The following KAZN variants were observed in gnomAD, a reference collection of about 807,000 sequenced individuals.
KAZN encodes the protein kazrin, periplakin interacting protein.
In KAZN, 40 loss-of-function variants were observed where a neutral mutation model predicts 87.4. The ratio of observed to expected loss-of-function variants is 0.46; its 90% CI spans 0.36 to 0.60. KAZN has a LOEUF of 0.60. KAZN is among the 20% of genes least tolerant of loss of function. KAZN has a pLI of 0.00. For missense variants in KAZN, 898 were observed against 1,073.9 expected, an observed-to-expected ratio of 0.84 and a Z score of 2.29; for synonymous variants, 466 against 458.3, an observed-to-expected ratio of 1.02 and a Z score of -0.22.
intron 4 of KAZN, among the ~76,000 whole-genome samples, chr1:15,047,486 G>T (rs1294791590): frequency 1.3e-5 from 2 of 152,192 alleles, no homozygotes; most frequent in African/African-American, 2.4e-5. Context: ...CACGGCAGCT[G>T]CAGGCCGGGC....
intron 1 of KAZN, among the ~76,000 whole-genome samples, chr1:14,078,262 T>G (rs767314920): frequency 1.3e-5 from 2 of 152,194 alleles, no homozygotes; most frequent in Non-Finnish European, 2.9e-5. Flanking sequence ...TAATTATACA[T>G]GTGCCTGTGT....
chr1:14,010,344 T>G (rs1198632861), intron 1 of KAZN, among the ~76,000 whole-genome samples: 1 of 152,244 alleles, frequency 6.6e-6, no homozygotes, highest in Non-Finnish European at 1.5e-5. Flanking sequence ...GGACTTTTAA[T>G]TTTTCTAGGA....
chr1:14,691,676 G>A (rs1018908708), intron 1 of KAZN, among the ~76,000 whole-genome samples: 13 of 152,120 alleles, frequency 8.5e-5, no homozygotes, highest in Middle Eastern at 3.4e-3. Flanking sequence ...TAGTAGATAC[G>A]GGGTTTTGCC....
intron 1 of KAZN, among the ~76,000 whole-genome samples, chr1:14,052,929 C>G (rs60267211): frequency 0.02 from 2,988 of 152,218 alleles, 91 homozygotes; most frequent in African/African-American, 0.067. Flanking sequence ...GTTGATGTGG[C>G]AGACAGAGCC....
intron 1 of KAZN, among the ~76,000 whole-genome samples, chr1:14,785,673 C>G (rs1321193897): frequency 6.6e-6 from 1 of 152,194 alleles, no homozygotes; most frequent in Non-Finnish European, 1.5e-5. Context: ...AAGCCTCAGT[C>G]TCCTCATCTC....
chr1:14,983,275 A>C (rs1434802060), intron 2 of KAZN, among the ~76,000 whole-genome samples: 1 of 152,186 alleles, frequency 6.6e-6, no homozygotes, highest in Non-Finnish European at 1.5e-5. Flanking sequence ...TACTCAGCTT[A>C]GCACCTTCAG....
At chr1:15,023,773 G>T (rs1233901123) in intron 2 of KAZN, among the ~76,000 whole-genome samples, 1 of 151,762 alleles carries the variant, frequency 6.6e-6, no homozygotes, top group Non-Finnish European at 1.5e-5. Context: ...GGGGGTGGGG[G>T]TGGGGACACA....
chr1:14,154,635 T>C (rs894942204), intron 1 of KAZN, among the ~76,000 whole-genome samples: 5 of 152,204 alleles, frequency 3.3e-5, no homozygotes, highest in Non-Finnish European at 7.4e-5. Flanking sequence ...GTGAGTCTGT[T>C]GTACATGGCT....
intron 1 of KAZN, among the ~76,000 whole-genome samples, chr1:13,983,165 A>C (rs1638826014): frequency 6.6e-6 from 1 of 152,184 alleles, no homozygotes; most frequent in Non-Finnish European, 1.5e-5. Flanking sequence ...CTGCGCCTGC[A>C]CTCCTCAGCC....
At chr1:13,924,092 T>C (rs1445801974) in intron 1 of KAZN, among the ~76,000 whole-genome samples, 2 of 152,082 alleles carry the variant, frequency 1.3e-5, no homozygotes, top group African/African-American at 4.8e-5. Context: ...CTTTTGTTTT[T>C]TTCATGGCTC....
intron 8 of KAZN, among the ~76,000 whole-genome samples, chr1:15,092,576 A>G (rs1441054865): frequency 6.6e-6 from 1 of 152,010 alleles, no homozygotes; most frequent in African/African-American, 2.4e-5. Flanking sequence ...GGCTGAAAAG[A>G]TCCTCCTACC....
rs1363749739 is a variant in KAZN at position 14,338,487 on chromosome 1, AG to A, written c.249+157896del. ...GCAACAGAATGAGACTCCATCTTAG[AG>A]AAAAAAAAAAAAAAAAAGAGAGAGA... On this transcript the variant is annotated intron_variant, in intron 2 of 16. Transcript: ENST00000636203. Among the ~76,000 whole-genome samples the A allele has an allele frequency of 6.2e-3, 594 of 95,084 alleles. 4 individuals are homozygous for A. The highest frequency in any genetic ancestry group is 0.027 in the African/African-American group (560 of 20,606). 62.4% of individuals were successfully genotyped at this position (95,084 alleles called of 152,430 possible). A position where few individuals can be genotyped will look rare whatever the true frequency, so the allele number is the denominator to read the frequency against.
chr1:15,079,651 T>C (rs935204019), intron 8 of KAZN, among the ~76,000 whole-genome samples: 2 of 152,136 alleles, frequency 1.3e-5, no homozygotes, highest in Non-Finnish European at 2.9e-5. Context: ...TGGCCACCTG[T>C]GTCAAGATCC....
intron 1 of KAZN, among the ~76,000 whole-genome samples, chr1:13,928,294 T>TATG (rs1165301162): frequency 4.6e-5 from 7 of 152,152 alleles, no homozygotes; most frequent in African/African-American, 1.4e-4. Context: ...CTGGATCATG[T>TATG]ATGATGATGA....
intron 2 of KAZN, among the ~76,000 whole-genome samples, chr1:15,025,341 T>C (rs1210578367): frequency 6.6e-6 from 1 of 152,200 alleles, no homozygotes; most frequent in Non-Finnish European, 1.5e-5. Context: ...GTTGAGAAAA[T>C]TGGTTCTCAC....
intron 1 of KAZN, among the ~76,000 whole-genome samples, chr1:14,136,065 A>G (rs61776628): frequency 0.077 from 11,690 of 152,122 alleles, 629 homozygotes; most frequent in Middle Eastern, 0.14. Flanking sequence ...GAGAGAAAGG[A>G]GACCCTGGGG....
chr1:14,034,261 A>T (rs1025078843), intron 1 of KAZN, among the ~76,000 whole-genome samples: 3 of 152,166 alleles, frequency 2.0e-5, no homozygotes, highest in African/African-American at 7.2e-5. Context: ...ATGTAGGAGG[A>T]TACAAGCTGG....
At chr1:14,023,265 T>C (rs1640927619) in intron 1 of KAZN, among the ~76,000 whole-genome samples, 1 of 152,184 alleles carries the variant, frequency 6.6e-6, no homozygotes, top group African/African-American at 2.4e-5. Flanking sequence ...CAGACTGCAA[T>C]GAGGCAAGAT....
chr1:14,408,630 A>G (rs1052855459), intron 2 of KAZN, among the ~76,000 whole-genome samples: 5 of 152,172 alleles, frequency 3.3e-5, no homozygotes, highest in Non-Finnish European at 7.3e-5. Context: ...TAACCTTCTT[A>G]TAAGGACACT....
Sources: gnomAD v4.1 joint callset for allele counts (sites outside exome capture counted in the v4.1 genomes callset) on GRCh38, gnomAD v4.1.1 for gene constraint, MANE v1.5 for transcripts, NCBI Gene and HGNC (gene_info 2026-07-23, HGNC 2026-07-21) for gene names.